The following CEP170 variants were observed in gnomAD, a reference collection of about 807,000 sequenced individuals.
CEP170 encodes centrosomal protein 170.
A neutral mutation model predicts 151.9 loss-of-function variants in CEP170; 21 were observed. The observed-to-expected ratio is 0.14, with a 90% CI of 0.10 to 0.20. The LOEUF is 0.20. CEP170 is among the 10% of genes least tolerant of loss of function. The pLI is 1.00. For synonymous variants in CEP170, 356 were observed against 648.8 expected (o/e 0.55, Z 6.86); for missense variants, 964 against 1,892.9 (o/e 0.51, Z 9.11).
At chr1:243,240,266 C>T (rs2064697055) in intron 1 of CEP170, among the ~76,000 whole-genome samples, 1 of 152,146 alleles carries the variant, frequency 6.6e-6, no homozygotes, top group Admixed American at 6.6e-5. Flanking sequence ...GCTGAGATCA[C>T]GCCATTGCAC....
chr1:243,162,857 C>T (rs893953563), intron 13 of CEP170, among the ~76,000 whole-genome samples: 9 of 152,160 alleles, frequency 5.9e-5, no homozygotes, highest in African/African-American at 1.9e-4. Context: ...TAACCAAAAA[C>T]AGAATGAAAA....
chr1:243,157,963 T>A (rs557236186), intron 13 of CEP170, among the ~76,000 whole-genome samples: 2 of 152,236 alleles, frequency 1.3e-5, no homozygotes, highest in African/African-American at 2.4e-5. Flanking sequence ...TGCAAATGCA[T>A]ATACTAGGTA....
intron 10 of CEP170, among the ~76,000 whole-genome samples, chr1:243,174,179 T>C (rs2059068342): frequency 1.3e-5 from 2 of 151,918 alleles, no homozygotes; most frequent in African/African-American, 4.8e-5. Context: ...ACCTGAGTCT[T>C]ACTCATTTCC....
chr1:243,141,717 C>A lies in CEP170; in HGVS notation c.4059+599G>T, dbSNP rs148686728. Among the ~76,000 whole-genome samples, 1,095 of 151,974 alleles carry A rather than the reference C, an allele frequency of 7.2e-3. 11 individuals are homozygous for A. The highest frequency in any genetic ancestry group is 0.025 in the African/African-American group (1,023 of 41,418). On this transcript the variant is annotated intron_variant, in intron 15 of 19. Transcript: ENST00000366542. ...CTCCTGGAGTTATACTGTAAGAGGC[C>A]CTGATATTGGATGGGTAATAGTCTA...
At chr1:243,212,871 C>T (rs1245156684) in intron 3 of CEP170, among the ~76,000 whole-genome samples, 1 of 151,934 alleles carries the variant, frequency 6.6e-6, no homozygotes, top group Non-Finnish European at 1.5e-5. Flanking sequence ...CCCTATGTTG[C>T]CCAGGCTGAT....
chr1:243,165,795 A>G lies in CEP170; in HGVS notation c.2165T>C (p.Leu722Ser), dbSNP rs1335274885. ...TGGDNKTLLH[L>S]GSSAPGKEKS... ...CTCTTTTCCAGGAGCAGAGCTGCCT[A>G]AGTGAAGTAGGGTTTTATTATCTCC... The change falls in exon 13 of 20, where the codon TTA becomes TCA. Residue 722 changes from leucine (L) to serine (S), a missense_variant. Leu to Ser is a moderately radical substitution (Grantham distance 145). Transcript: ENST00000366542. The G allele has an allele frequency of 8.1e-6, 13 of 1,614,044 alleles. No individual in the cohort carries two copies. The East Asian group carries it at 2.9e-4, about 36-fold the overall frequency.
In CEP170 at chr1:243,185,217, G is replaced by T. The variant is rs2059868502; in HGVS notation, c.1566+562C>A. 6.6e-6 allele frequency among the ~76,000 whole-genome samples: 1 copy of T among 152,162 alleles called. No homozygotes were observed. The highest frequency in any genetic ancestry group is 2.4e-5 in the African/African-American group (1 of 41,438). ...ACTATCACGACTGGTCATATACGTG[G>T]TTAAACTAGTAAACTAAATCATAAA... On this transcript the variant is annotated intron_variant, in intron 10 of 19. Coordinates refer to ENST00000366542, the MANE Select transcript of CEP170 (RefSeq NM_014812.3). This position sits in a 1 kb window ranked among gnomAD's most constrained non-coding sequence, Gnocchi z 4.9.
At chr1:243,234,514 T>A (rs1211020037) in intron 1 of CEP170, among the ~76,000 whole-genome samples, 2 of 152,190 alleles carry the variant, frequency 1.3e-5, no homozygotes, top group Non-Finnish European at 2.9e-5. Flanking sequence ...GAACCAGCAG[T>A]AAAGCTTATC....
chr1:243,190,861 G>A (rs2060267243), intron 8 of CEP170, among the ~76,000 whole-genome samples, 157 bp downstream of exon 8: 1 of 152,068 alleles, frequency 6.6e-6, no homozygotes, highest in African/African-American at 2.4e-5. Context: ...ATTGGACATG[G>A]GCAGTGTAGC....
chr1:243,230,514 A>T (rs1432397346), intron 1 of CEP170, among the ~76,000 whole-genome samples: 1 of 152,198 alleles, frequency 6.6e-6, no homozygotes, highest in East Asian at 1.9e-4. Flanking sequence ...AAATTAGCAA[A>T]ACAGTGTATG....
intron 4 of CEP170, among the ~76,000 whole-genome samples, chr1:243,202,976 G>C (rs187808230): frequency 6.6e-6 from 1 of 152,178 alleles, no homozygotes; most frequent in East Asian, 1.9e-4. Context: ...CACTCTTCAG[G>C]TCATGGAGAG....
chr1:243,169,847 T>C lies in CEP170; in HGVS notation c.1717-93A>G, dbSNP rs986618665. On this transcript the variant is annotated intron_variant, in intron 11 of 19. Coordinates refer to ENST00000366542, the MANE Select transcript of CEP170 (RefSeq NM_014812.3). ...TTCATTTAGTCACATTAACTTGCCA[T>C]ACAAACCCATAATTAAACCTCACCT... 51 of 1,477,380 alleles carry C rather than the reference T, an allele frequency of 3.5e-5. 1 individual carries two copies. The African/African-American group carries it at 6.6e-4, about 19-fold the overall frequency. 91.5% of individuals were successfully genotyped at this position (1,477,380 alleles called of 1,614,324 possible).
chr1:243,218,475 C>T (rs368850647), intron 3 of CEP170, among the ~76,000 whole-genome samples: 6 of 152,278 alleles, frequency 3.9e-5, no homozygotes, highest in African/African-American at 1.4e-4. Context: ...ATATCAGCAA[C>T]GGAACCGACT....
At chr1:243,206,541 C>G (rs928340835) in intron 4 of CEP170, among the ~76,000 whole-genome samples, 1 of 152,150 alleles carries the variant, frequency 6.6e-6, no homozygotes, top group African/African-American at 2.4e-5. Context: ...GGAAGTCCAT[C>G]AGGTAGAAAC....
intron 1 of CEP170, among the ~76,000 whole-genome samples, chr1:243,234,375 G>A (rs1174303772): frequency 6.6e-6 from 1 of 152,194 alleles, no homozygotes; most frequent in Non-Finnish European, 1.5e-5. Context: ...GTTGGCCCAG[G>A]ACATAGCTTT....
intron 4 of CEP170, among the ~76,000 whole-genome samples, chr1:243,210,568 T>C (rs1354320236): frequency 6.6e-6 from 1 of 151,482 alleles, no homozygotes; most frequent in East Asian, 1.9e-4. Context: ...ACTTTAATTT[T>C]AGATTTAAAA....
chr1:243,230,417 C>T (rs184729617), intron 1 of CEP170, among the ~76,000 whole-genome samples: 3 of 152,160 alleles, frequency 2.0e-5, no homozygotes, highest in Admixed American at 6.5e-5. Context: ...CCCGTTAAAG[C>T]CCATTGTAGT....
intron 1 of CEP170, among the ~76,000 whole-genome samples, chr1:243,227,731 G>A (rs551698898): frequency 2.2e-4 from 33 of 152,216 alleles, no homozygotes; most frequent in Admixed American, 1.3e-3. Flanking sequence ...GTAATGTCAG[G>A]GCAAATGTCA....
chr1:243,174,577 T>C (rs1303240606), intron 10 of CEP170, among the ~76,000 whole-genome samples: 3 of 152,234 alleles, frequency 2.0e-5, no homozygotes, highest in Non-Finnish European at 4.4e-5. Context: ...GATGGTCTTA[T>C]TACTTAATAT....
Sources: allele counts gnomAD v4.1 joint callset (sites outside exome capture counted in the v4.1 genomes callset), GRCh38; gene constraint gnomAD v4.1.1; non-coding constraint Gnocchi (gnomAD v3.1); transcripts MANE v1.5; gene names NCBI Gene and HGNC (gene_info 2026-07-23, HGNC 2026-07-21).